Variants in KCNB2 observed in about 807,000 individuals in gnomAD.
KCNB2 encodes potassium voltage-gated channel subfamily B member 2.
In KCNB2, 15 loss-of-function variants were observed where a neutral mutation model predicts 61.5. That is an observed-to-expected ratio of 0.24 (90% CI 0.16 to 0.38). The LOEUF (loss-of-function observed/expected upper bound fraction) is 0.38, where lower values mean the gene tolerates loss of function less well. Ranked by LOEUF, KCNB2 falls within the 10% of genes least tolerant of loss-of-function variation. The probability of loss-of-function intolerance (pLI) is 1.00; values close to 1 mark genes in which losing one functional copy is unlikely to be tolerated. For synonymous variants in KCNB2, 457 were observed against 446.0 expected (o/e 1.02, Z -0.31); for missense variants, 828 against 1,125.2 (o/e 0.74, Z 3.78).
intron 2 of KCNB2, among the ~76,000 whole-genome samples, chr8:72,865,282 T>C (rs1805496661): frequency 6.6e-6 from 1 of 152,046 alleles, no homozygotes; most frequent in South Asian, 2.1e-4. Flanking sequence ...GGCTTGGGAT[T>C]CTATTCCCTC....
chr8:72,930,573 C>T (rs1474547755), intron 2 of KCNB2, among the ~76,000 whole-genome samples: 5 of 152,174 alleles, frequency 3.3e-5, no homozygotes, highest in Non-Finnish European at 7.3e-5. Context: ...TTTCATGTGT[C>T]TGTTGGCTGC....
At chr8:72,704,777 C>G (rs545339451) in intron 2 of KCNB2, among the ~76,000 whole-genome samples, 1 of 152,130 alleles carries the variant, frequency 6.6e-6, no homozygotes, top group Non-Finnish European at 1.5e-5. Flanking sequence ...AACCCTCCCT[C>G]TCCCTCCACA....
chr8:72,673,240 A>C (rs1257077811), intron 2 of KCNB2, among the ~76,000 whole-genome samples: 2 of 152,182 alleles, frequency 1.3e-5, no homozygotes, highest in Non-Finnish European at 2.9e-5. Flanking sequence ...ATCTCATCTT[A>C]AATTGTAGTT....
At position 72,905,210 on chromosome 8, in the gene KCNB2, C is replaced by T. The variant is rs181291970; in HGVS notation, c.580-30725C>T. On this transcript the variant is annotated intron_variant, in intron 2 of 2. Coordinates refer to ENST00000523207, the MANE Select transcript of KCNB2 (RefSeq NM_004770.3). The stretch of plus-strand genomic sequence containing the variant: ...GGTAATTGAATATTTTTAAAGCTCA[C>T]CGCAGACTGAGTGAGCCAAGTGATG... Among the ~76,000 whole-genome samples, 21 of 152,240 alleles carry T rather than the reference C, an allele frequency of 1.4e-4. No homozygotes were observed. In the East Asian group the frequency reaches 3.5e-3, roughly 25 times the overall value.
chr8:72,834,257 ATAAGG>A (rs2129002067), intron 2 of KCNB2, among the ~76,000 whole-genome samples: 1 of 152,284 alleles, frequency 6.6e-6, no homozygotes, highest in East Asian at 1.9e-4. Flanking sequence ...CATTATACTA[ATAAGG>A]AAACACTGAA....
chr8:72,627,803 C>T (rs1393462765), intron 2 of KCNB2, among the ~76,000 whole-genome samples: 1 of 152,218 alleles, frequency 6.6e-6, no homozygotes, highest in Non-Finnish European at 1.5e-5. Flanking sequence ...TTTTGACACT[C>T]ACTTCTGCAA....
chr8:72,622,058 A>C (rs1335707659), intron 2 of KCNB2, among the ~76,000 whole-genome samples: 1 of 152,216 alleles, frequency 6.6e-6, no homozygotes, highest in African/African-American at 2.4e-5. Context: ...TTTGTCAATT[A>C]GTGTATATTT....
intron 2 of KCNB2, among the ~76,000 whole-genome samples, chr8:72,718,310 C>A (rs954344167): frequency 1.3e-5 from 2 of 152,176 alleles, no homozygotes; most frequent in Non-Finnish European, 2.9e-5. Context: ...CATCCCATTA[C>A]TGGGTATATA....
At chr8:72,548,653 G>T (rs1239871075) in intron 1 of KCNB2, among the ~76,000 whole-genome samples, 10 of 151,182 alleles carry the variant, frequency 6.6e-5, no homozygotes, top group African/African-American at 2.4e-4. Context: ...AAGTCATTGG[G>T]TTTTTTTTTC....
rs117307159 is a variant in KCNB2 at position 72,757,006 on chromosome 8, A to G, written c.580-178929A>G. 2.4e-3 allele frequency among the ~76,000 whole-genome samples: 368 copies of G among 152,324 alleles called. 5 individuals are homozygous for G. In the East Asian group the frequency reaches 0.029, roughly 12 times the overall value. Reference sequence around the variant, plus strand: ...CTCAGAGGAGAGTTGGGCCAGAAATATAATTTGGAAATCATTGGCAGAGCA... The same window carrying G: ...CTCAGAGGAGAGTTGGGCCAGAAATGTAATTTGGAAATCATTGGCAGAGCA... On this transcript the variant is annotated intron_variant, in intron 2 of 2. Transcript: ENST00000523207.
At chr8:72,564,800 GAC>G (rs1415318175) in intron 1 of KCNB2, among the ~76,000 whole-genome samples, 1 of 152,150 alleles carries the variant, frequency 6.6e-6, no homozygotes, top group Non-Finnish European at 1.5e-5. Context: ...CAATGGGAAA[GAC>G]AGAACATATA....
intron 2 of KCNB2, among the ~76,000 whole-genome samples, chr8:72,859,760 C>A (rs1184982716): frequency 7.9e-6 from 1 of 125,962 alleles, no homozygotes; most frequent in Non-Finnish European, 1.6e-5. Flanking sequence ...GCTCTTGTTG[C>A]CCAGGCTGGA....
chr8:72,691,440 C>A (rs766415796), intron 2 of KCNB2, among the ~76,000 whole-genome samples: 1 of 152,236 alleles, frequency 6.6e-6, no homozygotes, highest in Non-Finnish European at 1.5e-5. Flanking sequence ...ACACTGAAAT[C>A]TCAGAAGGTC....
chr8:72,596,311 A>G (rs1163384098), intron 2 of KCNB2, among the ~76,000 whole-genome samples: 4 of 152,210 alleles, frequency 2.6e-5, no homozygotes, highest in Non-Finnish European at 5.9e-5. Context: ...AGTAGAATGC[A>G]ATATTCAAAT....
intron 2 of KCNB2, among the ~76,000 whole-genome samples, chr8:72,783,198 G>A (rs1309178150): frequency 1.3e-5 from 2 of 152,222 alleles, no homozygotes; most frequent in African/African-American, 4.8e-5. Context: ...TCTTCAAGGG[G>A]TTCCAACTTC....
intron 2 of KCNB2, among the ~76,000 whole-genome samples, chr8:72,846,143 CG>C (rs1254164603): frequency 1.3e-5 from 2 of 152,142 alleles, no homozygotes; most frequent in African/African-American, 4.8e-5. Context: ...GTATCTGGAC[CG>C]GAATGCACTG....
rs566975393 is a variant in KCNB2, at chr8:72,634,435, C to T, written c.579+66122C>T. 3.3e-5 allele frequency among the ~76,000 whole-genome samples: 5 copies of T among 152,282 alleles called. No homozygotes were observed. The South Asian group carries it at 8.3e-4, about 25-fold the overall frequency. The stretch of plus-strand genomic sequence containing the variant: ...ATATTTCTAACCACTTCCCAGATGA[C>T]GCAACCTCTGTGAGTCTGTGGGCCA... On this transcript the variant is annotated intron_variant, in intron 2 of 2. Transcript: ENST00000523207.
intron 2 of KCNB2, among the ~76,000 whole-genome samples, chr8:72,626,836 T>A (rs1268676956): frequency 1.3e-5 from 2 of 152,210 alleles, no homozygotes; most frequent in Non-Finnish European, 2.9e-5. Context: ...ATAACAACCC[T>A]GCAAAAGGTA....
intron 2 of KCNB2, among the ~76,000 whole-genome samples, chr8:72,833,408 A>G (rs555499148): frequency 6.6e-6 from 1 of 152,292 alleles, no homozygotes; most frequent in Non-Finnish European, 1.5e-5. Flanking sequence ...AACAAGGAAC[A>G]GATAAAAAGA....
Sources: allele counts gnomAD v4.1 joint callset (sites outside exome capture counted in the v4.1 genomes callset), GRCh38; gene constraint gnomAD v4.1.1; transcripts MANE v1.5; gene names NCBI Gene and HGNC (gene_info 2026-07-23, HGNC 2026-07-21).